TSC22D2: variants seen among roughly 807,000 people sequenced by gnomAD.
TSC22D2 encodes TSC22 domain family member 2, also known as TSC22 domain family protein 2.
TSC22D2 carries 5 observed loss-of-function variants against 50.1 expected under a neutral mutation model. The observed-to-expected ratio is 0.10, with a 90% confidence interval of 0.05 to 0.21. The LOEUF (loss-of-function observed/expected upper bound fraction) is 0.21. Ranked by LOEUF, TSC22D2 falls within the 10% of genes least tolerant of loss-of-function variation. The pLI, the probability that TSC22D2 is intolerant of heterozygous loss-of-function variation, is 1.00. For synonymous variants in TSC22D2, 501 were observed against 450.1 expected, an observed-to-expected ratio of 1.11 and a Z score of -1.43; for missense variants, 1,003 against 1,015.5, an observed-to-expected ratio of 0.99 and a Z score of 0.17.
intron 1 of TSC22D2, among the ~76,000 whole-genome samples, chr3:150,453,801 T>C (rs1721112199): frequency 1.3e-5 from 2 of 152,226 alleles, no homozygotes; most frequent in South Asian, 4.1e-4. Flanking sequence ...TACTATGTGC[T>C]AAGCACTGAA....
At chr3:150,433,226 A>C (rs1316970907) in intron 1 of TSC22D2, among the ~76,000 whole-genome samples, 1 of 152,164 alleles carries the variant, frequency 6.6e-6, no homozygotes, top group Non-Finnish European at 1.5e-5. Flanking sequence ...GGAAGGTGCT[A>C]TTGTATTTTT....
At chr3:150,436,004 C>G (rs1720527645) in intron 1 of TSC22D2, among the ~76,000 whole-genome samples, 1 of 152,148 alleles carries the variant, frequency 6.6e-6, no homozygotes, top group African/African-American at 2.4e-5. Context: ...CGCTGTTCAT[C>G]TGTAACTACT....
chr3:150,449,612 G>T (rs1402425360), intron 1 of TSC22D2, among the ~76,000 whole-genome samples: 2 of 152,008 alleles, frequency 1.3e-5, no homozygotes, highest in African/African-American at 4.8e-5. Flanking sequence ...TAATTGAATG[G>T]ATGGCTACAC....
intron 1 of TSC22D2, among the ~76,000 whole-genome samples, chr3:150,448,505 C>T (rs1720949662): frequency 6.6e-6 from 1 of 152,040 alleles, no homozygotes; most frequent in Non-Finnish European, 1.5e-5. Flanking sequence ...CTAGCTAGCA[C>T]ACAAAGTCAA....
chr3:150,454,823 T>C (rs184558465), intron 1 of TSC22D2, among the ~76,000 whole-genome samples: 138 of 152,374 alleles, frequency 9.1e-4, no homozygotes, highest in Middle Eastern at 6.8e-3. Flanking sequence ...GATCTATTTA[T>C]ACCTTGCAAA....
At chr3:150,452,375 G>A (rs776282605) in intron 1 of TSC22D2, among the ~76,000 whole-genome samples, 12 of 151,900 alleles carry the variant, frequency 7.9e-5, no homozygotes, top group Non-Finnish European at 1.8e-4. Flanking sequence ...AACCCGGGAG[G>A]AAGAAGTTGC....
chr3:150,410,378 G>A lies in TSC22D2; in HGVS notation c.1028G>A (p.Gly343Asp), dbSNP rs772784107. The change falls in exon 1 of 3, where the codon GGC becomes GAC. Residue 343 changes from glycine (G) to aspartate (D), a missense_variant. This residue lies in a region of TSC22D2 where 696 missense variants were observed against 647.8 expected (regional missense o/e 1.07). Coordinates refer to ENST00000688009, the MANE Select transcript of TSC22D2 (RefSeq NM_001303264.2). ...GCTATGTCCCTGCCTCCGCAGCCGG[G>A]CCCTGCAGTGGGCGCCCCCGCGGCG... is the stretch of plus-strand genomic sequence containing the variant. ...QPAMSLPPQPGPAVGAPAAQQ... is the reference protein window; with the variant it reads ...QPAMSLPPQPDPAVGAPAAQQ... The A allele has an allele frequency of 1.1e-5, 18 of 1,604,696 alleles. No homozygotes were observed. In the East Asian group the frequency reaches 3.8e-4, roughly 34 times the overall value.
intron 1 of TSC22D2, among the ~76,000 whole-genome samples, chr3:150,424,692 G>A (rs1720122368): frequency 6.6e-6 from 1 of 152,190 alleles, no homozygotes; most frequent in East Asian, 1.9e-4. Flanking sequence ...GTTTCTCATG[G>A]GTTGAAAATA....
chr3:150,442,424 T>C (rs1720747193), intron 1 of TSC22D2, among the ~76,000 whole-genome samples: 1 of 152,228 alleles, frequency 6.6e-6, no homozygotes, highest in Non-Finnish European at 1.5e-5. Context: ...AAAATAATGT[T>C]AGAGATTATT....
At chr3:150,444,208 CCCTTA>C (rs66989284) in intron 1 of TSC22D2, among the ~76,000 whole-genome samples, 19,613 of 152,016 alleles carry the variant, frequency 0.13, 1,591 homozygotes, top group Non-Finnish European at 0.2. Context: ...TCCAGCGATA[CCCTTA>C]ATTAGTTTCT....
Position 150,410,053 on chromosome 3 carries a change from G to T in TSC22D2, c.703G>T (p.Ala235Ser). 6.2e-7 allele frequency: 1 copy of T among 1,613,182 alleles called. No individual in the cohort carries two copies. Among genetic ancestry groups the T allele is most frequent in the Non-Finnish European group, 8.5e-7 (1 of 1,180,018 alleles). ...VVVVVASMQG[A>S]HGPESGTDSS... is the part of the protein sequence containing the mutation. ...GGTAGTAGTGGCCTCCATGCAGGGGGCGCACGGGCCCGAGTCGGGAACTGA... is the reference window on the plus strand; with the variant it reads ...GGTAGTAGTGGCCTCCATGCAGGGGTCGCACGGGCCCGAGTCGGGAACTGA... The change falls in exon 1 of 3, where the codon GCG (alanine) becomes TCG (serine). Residue 235 changes from alanine (A) to serine (S), a missense_variant. Ala to Ser is a moderately conservative substitution (Grantham distance 99). This residue lies in a region of TSC22D2 where 696 missense variants were observed against 647.8 expected (regional missense o/e 1.07). Coordinates refer to ENST00000688009, the MANE Select transcript of TSC22D2 (RefSeq NM_001303264.2).
Position 150,410,711 on chromosome 3 carries a change from C to A in TSC22D2, c.1361C>A (p.Pro454Gln), listed in dbSNP as rs548774319. Residue 454 changes from proline (P) to glutamine (Q), a missense_variant, in exon 1 of 3, where the codon CCG becomes CAG. Transcript: ENST00000688009. The stretch of plus-strand genomic sequence containing the variant: ...GGCGGGCAGGTCGCGCCTTGTCAGC[C>A]GACTGGAGTGCCCCCGGCTACTGTG... Reference protein sequence around the residue: ...AQGGQVAPCQPTGVPPATVGG... With the variant: ...AQGGQVAPCQQTGVPPATVGG... 2 of 1,582,008 alleles carry A rather than the reference C, an allele frequency of 1.3e-6. No individual in the cohort carries two copies. The highest frequency in any genetic ancestry group is 1.7e-6 in the Non-Finnish European group (2 of 1,165,130).
chr3:150,458,037 C>T (rs34419133), intron 2 of TSC22D2, among the ~76,000 whole-genome samples: 22,507 of 152,006 alleles, frequency 0.15, 1,859 homozygotes, highest in Non-Finnish European at 0.2. Flanking sequence ...AACAGCTTTC[C>T]GTTGGAATAT....
chr3:150,416,989 A>C (rs1261066486), intron 1 of TSC22D2, among the ~76,000 whole-genome samples: 1 of 152,154 alleles, frequency 6.6e-6, no homozygotes, highest in African/African-American at 2.4e-5. Context: ...CCTTTTAAGT[A>C]GTACATTTAT....
chr3:150,411,293 A>T lies in TSC22D2; in HGVS notation c.1943A>T (p.Asp648Val). The T allele has an allele frequency of 1.2e-6, 2 of 1,610,620 alleles. No homozygotes were observed. Among genetic ancestry groups the T allele is most frequent in the Non-Finnish European group, 1.7e-6 (2 of 1,177,606 alleles). The part of the protein sequence containing the change: ...TSVFSIAIPV[D>V]GDEDSASGGG... ...GTATTCAGCATAGCTATTCCTGTTG[A>T]TGGTGATGAAGACAGGTATGGAAAT... Residue 648 changes from aspartate (D) to valine (V), a missense_variant, in exon 1 of 3, where the codon GAT becomes GTT. Coordinates refer to ENST00000688009, the MANE Select transcript of TSC22D2 (RefSeq NM_001303264.2).
chr3:150,423,234 A>G (rs913809035), intron 1 of TSC22D2: 3 of 707,876 alleles, frequency 4.2e-6, no homozygotes, highest in African/African-American at 1.8e-5. Flanking sequence ...GGGAAATCAC[A>G]TGGTATCTAG....
chr3:150,412,373 G>A (rs1328909047), intron 1 of TSC22D2, among the ~76,000 whole-genome samples: 1 of 152,184 alleles, frequency 6.6e-6, no homozygotes. Flanking sequence ...GTTTTTAAAA[G>A]ATACAAACTA....
intron 1 of TSC22D2, among the ~76,000 whole-genome samples, chr3:150,430,549 G>A (rs1720343745): frequency 6.6e-6 from 1 of 152,224 alleles, no homozygotes; most frequent in South Asian, 2.1e-4. Context: ...AGTTTGGGAA[G>A]GAGAAAGTAG....
rs762378370 is a variant in TSC22D2, at chr3:150,410,055, G to A, written c.705G>A (p.Ala235=). The A allele has an allele frequency of 6.2e-7, 1 of 1,613,148 alleles. No individual in the cohort carries two copies. The highest frequency in any genetic ancestry group is 1.1e-5 in the South Asian group (1 of 91,088). The change falls in exon 1 of 3, where the codon GCG becomes GCA. Residue 235 remains alanine, a synonymous_variant. Transcript: ENST00000688009. ...TAGTAGTGGCCTCCATGCAGGGGGC[G>A]CACGGGCCCGAGTCGGGAACTGACA... ...VVVVVASMQG[A]HGPESGTDSS...
Sources: allele counts gnomAD v4.1 joint callset (sites outside exome capture counted in the v4.1 genomes callset), GRCh38; gene constraint gnomAD v4.1.1; regional missense constraint gnomAD v4.1.1; transcripts MANE v1.5; gene names NCBI Gene and HGNC (gene_info 2026-07-23, HGNC 2026-07-21).